ADAMTS16: variants seen among roughly 807,000 people sequenced by gnomAD.
ADAMTS16 encodes A disintegrin and metalloproteinase with thrombospondin motifs 16.
A neutral mutation model predicts 145.8 loss-of-function variants in ADAMTS16; 94 were observed. The observed-to-expected ratio is 0.64, with a 90% CI of 0.55 to 0.77. The LOEUF is 0.77. Among genes scored for constraint, ADAMTS16 ranks in the 30% least tolerant of loss-of-function variants. ADAMTS16 has a pLI of 0.00. For missense variants in ADAMTS16, 1,585 were observed against 1,591.5 expected (o/e 1.00, Z 0.07); for synonymous variants, 659 against 604.3 (o/e 1.09, Z -1.33).
At position 5,262,673 on chromosome 5, in the gene ADAMTS16, A is replaced by G; in HGVS notation, c.2679A>G (p.Arg893=). 1 of 1,614,068 alleles carries G rather than the reference A, an allele frequency of 6.2e-7. No homozygotes were observed. Among genetic ancestry groups the G allele is most frequent in the South Asian group, 1.1e-5 (1 of 91,050 alleles). ...VSCGGGQMTV[R]EGCYRDLKFQ... ...TGCCTGCAGGACAGATGACCGTGAGAGAGGGCTGCTACAGAGACCTGAAGT... is the reference window on the plus strand; with the variant it reads ...TGCCTGCAGGACAGATGACCGTGAGGGAGGGCTGCTACAGAGACCTGAAGT... The change falls in exon 18 of 23, where the codon AGA becomes AGG. Residue 893 remains arginine (R), a synonymous_variant. Coordinates refer to ENST00000274181, the MANE Select transcript of ADAMTS16 (RefSeq NM_139056.4).
intron 17 of ADAMTS16, among the ~76,000 whole-genome samples, 195 bp from the exon 18 acceptor site, chr5:5,262,462 A>G (rs550528810): frequency 3.3e-4 from 50 of 152,396 alleles, no homozygotes; most frequent in African/African-American, 1.2e-3. Context: ...CTTAGAATGA[A>G]TGAAATTCAC....
At chr5:5,143,558 G>A (rs565120299) in intron 2 of ADAMTS16, among the ~76,000 whole-genome samples, 20 of 152,300 alleles carry the variant, frequency 1.3e-4, no homozygotes, top group African/African-American at 4.8e-4. Context: ...AACCATTGTG[G>A]AAGACAGTGT....
intron 18 of ADAMTS16, among the ~76,000 whole-genome samples, chr5:5,268,594 C>T (rs1458774007): frequency 6.6e-6 from 1 of 152,188 alleles, no homozygotes; most frequent in African/African-American, 2.4e-5. Flanking sequence ...AGAGGTATCC[C>T]TCAAGGTCCA....
intron 3 of ADAMTS16, among the ~76,000 whole-genome samples, chr5:5,174,639 T>C (rs970998467): frequency 6.6e-6 from 1 of 152,194 alleles, no homozygotes; most frequent in African/African-American, 2.4e-5. Flanking sequence ...TCTTTTTTAT[T>C]CTTTTATTTT....
intron 18 of ADAMTS16, among the ~76,000 whole-genome samples, chr5:5,286,160 C>A (rs1469711763): frequency 1.3e-5 from 2 of 152,166 alleles, no homozygotes; most frequent in Non-Finnish European, 2.9e-5. Context: ...TAAATACAGC[C>A]TTTCTCTACC....
At position 5,242,149 on chromosome 5, in the gene ADAMTS16, T is replaced by C. The variant is rs749837777; in HGVS notation, c.2620T>C (p.Trp874Arg). 6.2e-7 allele frequency: 1 copy of C among 1,614,050 alleles called. No individual in the cohort carries two copies. The highest frequency in any genetic ancestry group is 1.3e-5 in the African/African-American group (1 of 74,928). ...KQPPAQPSYT[W>R]AIVRSECSVS... ...GCCCCCTGCCCAGCCCAGCTACACT[T>C]GGGCCATCGTGCGCTCTGAGTGCTC... Residue 874 changes from tryptophan to arginine, a missense_variant, in exon 17 of 23, where the codon TGG (tryptophan) becomes CGG (arginine). Around this residue, in one of 3 missense-constraint regions of ADAMTS16, gnomAD observed 834 missense variants for 811.7 expected, o/e 1.03. Transcript: ENST00000274181.
chr5:5,180,086 G>A (rs1010788866), intron 3 of ADAMTS16, among the ~76,000 whole-genome samples: 3 of 152,110 alleles, frequency 2.0e-5, no homozygotes, highest in East Asian at 1.9e-4. Context: ...GCTTCACTAC[G>A]TGGACATTAA....
At chr5:5,229,262 C>CAG (rs983921123) in intron 11 of ADAMTS16, among the ~76,000 whole-genome samples, 10 of 135,748 alleles carry the variant, frequency 7.4e-5, no homozygotes, top group Admixed American at 1.6e-4. Flanking sequence ...TGCGCCACTG[C>CAG]AGTCCGCAGT....
chr5:5,267,559 G>A (rs866011677), intron 18 of ADAMTS16, among the ~76,000 whole-genome samples: 6 of 152,106 alleles, frequency 3.9e-5, no homozygotes, highest in Admixed American at 1.3e-4. Flanking sequence ...ATGGCCTGCC[G>A]GCATCTGCTG....
chr5:5,197,615 G>A (rs1267599481), intron 8 of ADAMTS16, among the ~76,000 whole-genome samples: 1 of 152,202 alleles, frequency 6.6e-6, no homozygotes, highest in African/African-American at 2.4e-5. Flanking sequence ...GTGCACAGGA[G>A]CAAGATATAT....
Position 5,182,042 on chromosome 5 carries a change from A to T in ADAMTS16, c.502-2A>T. The stretch of plus-strand genomic sequence containing the variant: ...TTCTTTCTTTCCTTTTATTTTTTCC[A>T]GTCAGGCATGATACGAACAGAAGAG... On this transcript the variant is annotated splice_acceptor_variant, in intron 3 of 22. Coordinates refer to ENST00000274181, the MANE Select transcript of ADAMTS16 (RefSeq NM_139056.4). LOFTEE classifies it high-confidence loss of function. 1 of 1,584,110 alleles carries T rather than the reference A, an allele frequency of 6.3e-7. No individual in the cohort carries two copies. Among genetic ancestry groups the T allele is most frequent in the Non-Finnish European group, 8.6e-7 (1 of 1,164,944 alleles).
At chr5:5,150,464 G>C (rs1489344644) in intron 3 of ADAMTS16, among the ~76,000 whole-genome samples, 1 of 152,256 alleles carries the variant, frequency 6.6e-6, no homozygotes, top group East Asian at 1.9e-4. Flanking sequence ...AGCAGCCTGA[G>C]TGGATGAAGT....
At chr5:5,181,182 C>G (rs1048977681) in intron 3 of ADAMTS16, among the ~76,000 whole-genome samples, 2 of 152,150 alleles carry the variant, frequency 1.3e-5, no homozygotes, top group Non-Finnish European at 2.9e-5. Context: ...AAAGTTAACT[C>G]CCTGGAGTTG....
chr5:5,191,943 G>A lies in ADAMTS16; in HGVS notation c.1313+153G>A, dbSNP rs538836967. Among the ~76,000 whole-genome samples, 6 of 152,208 alleles carry A rather than the reference G, an allele frequency of 3.9e-5. No homozygotes were observed. The East Asian group carries it at 9.7e-4, about 25-fold the overall frequency. ...GACAGTTATAAAATGCTGTCACTTA[G>A]GACTTCTGTTTCTATGTCCCACATC... On this transcript the variant is annotated intron_variant, in intron 8 of 22. Transcript: ENST00000274181.
chr5:5,289,202 T>C (rs1469623662), intron 18 of ADAMTS16, among the ~76,000 whole-genome samples: 2 of 135,944 alleles, frequency 1.5e-5, no homozygotes, highest in Non-Finnish European at 3.4e-5. Context: ...CAACAGATAA[T>C]AGAAAAAAAA....
At chr5:5,176,658 A>G (rs1327811581) in intron 3 of ADAMTS16, among the ~76,000 whole-genome samples, 3 of 152,214 alleles carry the variant, frequency 2.0e-5, no homozygotes, top group African/African-American at 4.8e-5. Context: ...AGATACAGGA[A>G]TGGTTTTGAG....
chr5:5,279,140 C>T (rs1053535054), intron 18 of ADAMTS16, among the ~76,000 whole-genome samples: 1 of 152,322 alleles, frequency 6.6e-6, no homozygotes, highest in Middle Eastern at 3.4e-3. Context: ...TGTTCCAGCC[C>T]AGGCCTGTCA....
intron 18 of ADAMTS16, among the ~76,000 whole-genome samples, chr5:5,279,056 C>T (rs1738800424): frequency 6.6e-6 from 1 of 152,142 alleles, no homozygotes; most frequent in Non-Finnish European, 1.5e-5. Flanking sequence ...AATGTCCACG[C>T]TCTATTTCCC....
chr5:5,303,193 C>T, intron 18 of ADAMTS16, 75 bp from the exon 19 acceptor site: 1 of 1,424,844 alleles, frequency 7.0e-7, no homozygotes, highest in Non-Finnish European at 9.3e-7. Flanking sequence ...GCCGCTGCCT[C>T]CACATCAGAT....
Sources: allele counts gnomAD v4.1 joint callset (sites outside exome capture counted in the v4.1 genomes callset), GRCh38; gene constraint gnomAD v4.1.1; regional missense constraint gnomAD v4.1.1; transcripts MANE v1.5; gene names NCBI Gene and HGNC (gene_info 2026-07-23, HGNC 2026-07-21).